The following NHSL2 variants were observed in gnomAD, a reference collection of about 807,000 sequenced individuals.
NHSL2 encodes the protein NHS-like protein 2.
NHSL2 carries 27 observed loss-of-function variants against 53.4 expected under a neutral mutation model. That is an observed-to-expected ratio of 0.51 (90% confidence interval 0.37 to 0.70). NHSL2 has a LOEUF of 0.70. Ranked by LOEUF, NHSL2 falls within the 30% of genes least tolerant of loss-of-function variation. The pLI is 0.00. For synonymous variants in NHSL2, 408 were observed against 404.1 expected, an observed-to-expected ratio of 1.01 and a Z score of -0.12; for missense variants, 892 against 980.1, an observed-to-expected ratio of 0.91 and a Z score of 1.20.
intron 1 of NHSL2, chrX:72,129,430 G>A: frequency 6.8e-6 from 1 of 147,066 alleles, no homozygotes; most frequent in Admixed American, 7.3e-5. Flanking sequence ...GTGAAGTCCT[G>A]GTGGGTCAGT....
At chrX:72,010,100 A>G (rs1274955655) in intron 1 of NHSL2, among the ~76,000 whole-genome samples, 1 of 112,878 alleles carries the variant, frequency 8.9e-6, no homozygotes, top group African/African-American at 3.2e-5. Flanking sequence ...ATTAATTGGC[A>G]TGGACTGAGC....
intron 1 of NHSL2, among the ~76,000 whole-genome samples, chrX:71,996,800 C>T (rs184259687): frequency 1.3e-4 from 15 of 111,697 alleles, no homozygotes; most frequent in East Asian, 8.5e-4. Flanking sequence ...AAGGATGCTT[C>T]GTTCTTCCTT....
intron 4 of NHSL2, among the ~76,000 whole-genome samples, chrX:72,136,579 G>T (rs1357581426): frequency 1.8e-5 from 2 of 111,953 alleles, no homozygotes; most frequent in East Asian, 5.6e-4. Context: ...CATCTTCCTG[G>T]ATGGTGGAGG....
chrX:72,021,813 T>C (rs2042161777), intron 1 of NHSL2, among the ~76,000 whole-genome samples: 2 of 111,657 alleles, frequency 1.8e-5, no homozygotes, highest in Admixed American at 1.9e-4. Context: ...CTCTTGCCTA[T>C]AGAATTGAAA....
chrX:72,130,439 C>T lies in NHSL2; in HGVS notation c.281-1640C>T, dbSNP rs1223388909. The T allele has an allele frequency of 2.5e-6, 3 of 1,203,588 alleles. No individual in the cohort carries two copies. In the African/African-American group the frequency reaches 5.3e-5, roughly 21 times the overall value. The stretch of plus-strand genomic sequence containing the variant: ...TTCTCCTTCATCTCTTGCTGAAAAG[C>T]CCTCATGCGCTTCCTCTGGTCCTTG... On this transcript the variant is annotated intron_variant, in intron 1 of 7. Coordinates refer to ENST00000633930, the MANE Select transcript of NHSL2 (RefSeq NM_001013627.3).
intron 1 of NHSL2, among the ~76,000 whole-genome samples, chrX:72,106,748 T>C (rs1156689757): frequency 2.7e-5 from 3 of 111,195 alleles, no homozygotes; most frequent in Non-Finnish European, 5.7e-5. Flanking sequence ...ATTAAGAAAA[T>C]GTGGCACATA....
rs746190585 is a variant in NHSL2, at chrX:72,143,067, G to A, written c.3357-186G>A. ...GTGACTCCAGCTGGGGGCATTGAAA[G>A]GAATATGGGGACGGGAGGGCCCAAC... On this transcript the variant is annotated intron_variant, in intron 7 of 7. Coordinates refer to ENST00000633930, the MANE Select transcript of NHSL2 (RefSeq NM_001013627.3). Among the ~76,000 whole-genome samples the A allele has an allele frequency of 1.0e-3, 114 of 111,359 alleles. No individual in the cohort carries two copies. In the Middle Eastern group the frequency reaches 0.018, roughly 18 times the overall value.
At chrX:72,007,788 A>AGCG (rs768095027) in intron 1 of NHSL2, among the ~76,000 whole-genome samples, 2 of 113,373 alleles carry the variant, frequency 1.8e-5, no homozygotes, top group East Asian at 5.5e-4. Flanking sequence ...CCCCTTGATG[A>AGCG]GCGGGCCAGG....
intron 1 of NHSL2, chrX:72,129,983 C>T (rs1301555624): frequency 1.7e-6 from 2 of 1,211,591 alleles, no homozygotes; most frequent in South Asian, 1.8e-5. Flanking sequence ...GAATTGGTGC[C>T]TGGAAGGCCT....
In NHSL2 at chrX:72,019,040, G is replaced by T. The variant is rs932117840; in HGVS notation, c.280+107673G>T. ...GCTTTTGAGCAGGGATGTCCTGTCC[G>T]AGGCTGGTGTCGTCCCCACTCTCGC... is the stretch of plus-strand genomic sequence containing the variant. On this transcript the variant is annotated intron_variant, in intron 1 of 7. Coordinates refer to ENST00000633930, the MANE Select transcript of NHSL2 (RefSeq NM_001013627.3). Among the ~76,000 whole-genome samples the T allele has an allele frequency of 1.7e-4, 19 of 112,594 alleles. 1 individual carries two copies. Among genetic ancestry groups the T allele is most frequent in the South Asian group, 1.1e-3 (3 of 2,747 alleles).
At chrX:72,091,354 T>G (rs2041896844) in intron 1 of NHSL2, among the ~76,000 whole-genome samples, 1 of 111,000 alleles carries the variant, frequency 9.0e-6, no homozygotes, top group South Asian at 3.8e-4. Context: ...CTCAGGAGGC[T>G]GAGGCAGGAG....
At chrX:71,930,220 A>G (rs535167621) in intron 1 of NHSL2, among the ~76,000 whole-genome samples, 2 of 111,600 alleles carry the variant, frequency 1.8e-5, no homozygotes, top group South Asian at 7.6e-4. Context: ...CACCGGGTCT[A>G]CTTCAGCTGT....
intron 1 of NHSL2, among the ~76,000 whole-genome samples, chrX:72,007,266 T>C (rs2042098348): frequency 1.8e-5 from 2 of 112,639 alleles, no homozygotes; most frequent in Admixed American, 1.9e-4. Context: ...TAGAGTGGAA[T>C]AAGAAAACAT....
intron 1 of NHSL2, among the ~76,000 whole-genome samples, chrX:72,021,006 G>T (rs2147899990): frequency 8.9e-6 from 1 of 111,810 alleles, no homozygotes; most frequent in South Asian, 3.7e-4. Flanking sequence ...AAAGTGAAAG[G>T]GCAGGGGAAA....
At chrX:72,004,380 G>C (rs1177270941) in intron 1 of NHSL2, among the ~76,000 whole-genome samples, 1 of 112,087 alleles carries the variant, frequency 8.9e-6, no homozygotes, top group Non-Finnish European at 1.9e-5. Flanking sequence ...GTGAGCTGCT[G>C]TTGCCACCTA....
intron 1 of NHSL2, among the ~76,000 whole-genome samples, chrX:71,964,033 A>ATG (rs1180284769): frequency 0.091 from 4,534 of 49,697 alleles, 696 homozygotes; most frequent in African/African-American, 0.24. Context: ...ATGTGTATAT[A>ATG]TATATATATG....
chrX:72,106,075 G>T (rs1425123765), intron 1 of NHSL2, among the ~76,000 whole-genome samples: 1 of 111,154 alleles, frequency 9.0e-6, no homozygotes, highest in Non-Finnish European at 1.9e-5. Flanking sequence ...CGGGCGAGGT[G>T]GCGGGTGCCT....
chrX:72,050,376 CAGTA>C (rs1446155573), intron 1 of NHSL2, among the ~76,000 whole-genome samples: 1 of 111,521 alleles, frequency 9.0e-6, no homozygotes, highest in Non-Finnish European at 1.9e-5. Context: ...TGTTGTCCTT[CAGTA>C]AGTGTCTGTA....
At chrX:71,975,824 A>C (rs1212972296) in intron 1 of NHSL2, among the ~76,000 whole-genome samples, 1 of 111,924 alleles carries the variant, frequency 8.9e-6, no homozygotes, top group Non-Finnish European at 1.9e-5. Flanking sequence ...TCCTGTGAGA[A>C]TAACAGCCCA....
Sources: gnomAD v4.1 joint callset for allele counts (sites outside exome capture counted in the v4.1 genomes callset) on GRCh38, gnomAD v4.1.1 for gene constraint, MANE v1.5 for transcripts, NCBI Gene and HGNC (gene_info 2026-07-23, HGNC 2026-07-21) for gene names.